Variants in SLC25A2 observed in about 807,000 individuals in gnomAD.
The protein encoded by SLC25A2 is solute carrier family 25 member 2.
A neutral mutation model predicts 7.4 loss-of-function variants in SLC25A2; 6 were observed. That is an observed-to-expected ratio of 0.82 (90% CI 0.45 to 1.61). The LOEUF is 1.61. Ranked by LOEUF, SLC25A2 falls within the 40% of genes most tolerant of loss-of-function variation. SLC25A2 has a pLI of 0.01. For synonymous variants in SLC25A2, 158 were observed against 153.4 expected (o/e 1.03, Z -0.22); for missense variants, 356 against 377.3 (o/e 0.94, Z 0.47).
Position 141,302,937 on chromosome 5 carries a change from G to A in SLC25A2, c.*23C>T, listed in dbSNP as rs781917109. The stretch of plus-strand genomic sequence containing the variant: ...CTGTAGTCCTCAAACTCATGGACTC[G>A]GATCCAGGTTCACCAAGACACTTCA... On this transcript the variant is annotated 3_prime_UTR_variant, in exon 1 of 1. Coordinates refer to ENST00000239451, the MANE Select transcript of SLC25A2 (RefSeq NM_031947.4). 8.1e-6 allele frequency: 13 copies of A among 1,597,602 alleles called. No individual in the cohort carries two copies. The highest frequency in any genetic ancestry group is 1.7e-5 in the Admixed American group (1 of 58,344).
Position 141,303,263 on chromosome 5 carries a change from C to A in SLC25A2, c.603G>T (p.Gly201=). 1 of 1,614,150 alleles carries A rather than the reference C, an allele frequency of 6.2e-7. No homozygotes were observed. Among genetic ancestry groups the A allele is most frequent in the Non-Finnish European group, 8.5e-7 (1 of 1,180,012 alleles). ...YELSRSFFAS[G]RSKDELGPVH... ...CAGGGCCTAGTTCATCTTTTGATCTCCCTGACGCAAAAAACGATCGGCTCA... is the reference window on the plus strand; with the variant it reads ...CAGGGCCTAGTTCATCTTTTGATCTACCTGACGCAAAAAACGATCGGCTCA... The change falls in exon 1 of 1, where the codon GGG becomes GGT. Residue 201 remains glycine (G), a synonymous_variant. Coordinates refer to ENST00000239451, the MANE Select transcript of SLC25A2 (RefSeq NM_031947.4).
chr5:141,303,724 T>C lies in SLC25A2; in HGVS notation c.142A>G (p.Thr48Ala), dbSNP rs1177759196. 21 of 1,613,984 alleles carry C rather than the reference T, an allele frequency of 1.3e-5. No individual in the cohort carries two copies. Among genetic ancestry groups the C allele is most frequent in the Non-Finnish European group, 1.8e-5 (21 of 1,179,966 alleles). Residue 48 changes from threonine to alanine, a missense_variant, in exon 1 of 1, where the codon ACC (threonine) becomes GCC (alanine). Thr to Ala is a moderately conservative substitution (Grantham distance 58). Transcript: ENST00000239451. ...QTFPDLYKGL[T>A]DCFLKTYAQV... ...GCGTATGTCTTCAGGAAGCAGTCGG[T>C]GAGGCCCTTGTACAGGTCAGGGAAC... is the stretch of plus-strand genomic sequence containing the variant.
chr5:141,303,924 C>T lies in SLC25A2; in HGVS notation c.-59G>A. 1 of 1,548,624 alleles carries T rather than the reference C, an allele frequency of 6.5e-7. No individual in the cohort carries two copies. The highest frequency in any genetic ancestry group is 1.4e-5 in the African/African-American group (1 of 73,482). Reference sequence around the variant, plus strand: ...GCGACTAACTCCCCAGAGCGTGAGACCGGCTTTTCACGTCCAGCCGCAGCG... The same window carrying T: ...GCGACTAACTCCCCAGAGCGTGAGATCGGCTTTTCACGTCCAGCCGCAGCG... On this transcript the variant is annotated 5_prime_UTR_variant, in exon 1 of 1. Coordinates refer to ENST00000239451, the MANE Select transcript of SLC25A2 (RefSeq NM_031947.4).
In SLC25A2 at chr5:141,302,814, AGTTAAGATTTAG is replaced by A. The variant is rs1755926421; in HGVS notation, c.*134_*145del. 4.2e-6 allele frequency: 3 copies of A among 713,510 alleles called. No homozygotes were observed. The highest frequency in any genetic ancestry group is 4.5e-6 in the Non-Finnish European group (2 of 447,822). 44.2% of individuals were successfully genotyped at this position (713,510 alleles called of 1,614,324 possible). A position where few individuals can be genotyped will look rare whatever the true frequency, so the allele number is the denominator to read the frequency against. On this transcript the variant is annotated 3_prime_UTR_variant, in exon 1 of 1. Transcript: ENST00000239451. The stretch of plus-strand genomic sequence containing the variant: ...ATGTAAAATAGAGGCCCTTCCATAA[AGTTAAGATTTAG>A]GGTAGAAGAAGGGAAGATAAAACCA...
Position 141,304,008 on chromosome 5 carries a change from A to C in SLC25A2, c.-143T>G, listed in dbSNP as rs1387094090. 1 of 947,366 alleles carries C rather than the reference A, an allele frequency of 1.1e-6. No homozygotes were observed. Among genetic ancestry groups the C allele is most frequent in the Non-Finnish European group, 1.6e-6 (1 of 644,584 alleles). 58.7% of individuals were successfully genotyped at this position (947,366 alleles called of 1,614,324 possible). ...GCTCTACCGCCTGTTCTGGGCTCTCACCCCAGTGCGGGGGAAGCCGCTCAA... is the reference window on the plus strand; with the variant it reads ...GCTCTACCGCCTGTTCTGGGCTCTCCCCCCAGTGCGGGGGAAGCCGCTCAA... On this transcript the variant is annotated 5_prime_UTR_variant, in exon 1 of 1. Coordinates refer to ENST00000239451, the MANE Select transcript of SLC25A2 (RefSeq NM_031947.4).
Position 141,302,946 on chromosome 5 carries a change from T to C in SLC25A2, c.*14A>G, listed in dbSNP as rs1381488810. 4 of 1,604,302 alleles carry C rather than the reference T, an allele frequency of 2.5e-6. No homozygotes were observed. The highest frequency in any genetic ancestry group is 3.4e-6 in the Non-Finnish European group (4 of 1,175,278). On this transcript the variant is annotated 3_prime_UTR_variant, in exon 1 of 1. Coordinates refer to ENST00000239451, the MANE Select transcript of SLC25A2 (RefSeq NM_031947.4). ...TCAAACTCATGGACTCGGATCCAGG[T>C]TCACCAAGACACTTCAGTATGCTTC...
At position 141,303,363 on chromosome 5, in the gene SLC25A2, C is replaced by A; in HGVS notation, c.503G>T (p.Gly168Val). ...KGILKKDGPLGFYHGLSSTLL... is the reference protein window; with the variant it reads ...KGILKKDGPLVFYHGLSSTLL... ...AGTACTCGAGAGTCCATGGTAGAAGCCCAAGGGGCCATCCTTTTTAAGGAT... is the reference window on the plus strand; with the variant it reads ...AGTACTCGAGAGTCCATGGTAGAAGACCAAGGGGCCATCCTTTTTAAGGAT... The change falls in exon 1 of 1, where the codon GGC becomes GTC. Residue 168 changes from glycine (G) to valine (V), a missense_variant. Gly to Val is a moderately radical substitution (Grantham distance 109, BLOSUM62 -3). Coordinates refer to ENST00000239451, the MANE Select transcript of SLC25A2 (RefSeq NM_031947.4). 1 of 1,614,062 alleles carries A rather than the reference C, an allele frequency of 6.2e-7. No individual in the cohort carries two copies.
Position 141,302,855 on chromosome 5 carries a change from T to C in SLC25A2, c.*105A>G. On this transcript the variant is annotated 3_prime_UTR_variant, in exon 1 of 1. Coordinates refer to ENST00000239451, the MANE Select transcript of SLC25A2 (RefSeq NM_031947.4). ...AGAAGAAGGGAAGATAAAACCAAAATTCCCATGAAGTCAAAATTAGACAGT... is the reference window on the plus strand; with the variant it reads ...AGAAGAAGGGAAGATAAAACCAAAACTCCCATGAAGTCAAAATTAGACAGT... 1.0e-5 allele frequency: 13 copies of C among 1,270,546 alleles called. 2 individuals are homozygous for C. Among genetic ancestry groups the C allele is most frequent in the Non-Finnish European group, 1.4e-5 (13 of 934,372 alleles). The allele number at this position is 1,270,546 out of a possible 1,614,324, so 78.7% of individuals were successfully genotyped here. A position where few individuals can be genotyped will look rare whatever the true frequency, so the allele number is the denominator to read the frequency against.
rs781929679 is a variant in SLC25A2, at chr5:141,303,550, C to T, written c.316G>A (p.Asp106Asn). 3.1e-6 allele frequency: 5 copies of T among 1,614,072 alleles called. No individual in the cohort carries two copies. In the African/African-American group the frequency reaches 5.3e-5, roughly 17 times the overall value. The stretch of plus-strand genomic sequence containing the variant: ...GACCCCGCGGCTGCAGTCTGGAGAT[C>T]ACTCAGCTTTGCCTGCTTGTCCATT... ...AGMDKQAKLS[D>N]LQTAAAGSFA... Residue 106 changes from aspartate (D) to asparagine (N), a missense_variant, in exon 1 of 1, where the codon GAT becomes AAT. Coordinates refer to ENST00000239451, the MANE Select transcript of SLC25A2 (RefSeq NM_031947.4).
rs1554296018 is a variant in SLC25A2, at chr5:141,303,051, G to A, written c.815C>T (p.Thr272Ile). Reference sequence around the variant, plus strand: ...ATTGGCAGGGATTGCTCGAATCATAGTAGCTTTCAGTCCAGAATATAAGGC... The same window carrying A: ...ATTGGCAGGGATTGCTCGAATCATAATAGCTTTCAGTCCAGAATATAAGGC... ...IVALYSGLKATMIRAIPANGA... is the reference protein window; with the variant it reads ...IVALYSGLKAIMIRAIPANGA... Residue 272 changes from threonine to isoleucine, a missense_variant, in exon 1 of 1, where the codon ACT (threonine) becomes ATT (isoleucine). Transcript: ENST00000239451. 2 of 1,614,206 alleles carry A rather than the reference G, an allele frequency of 1.2e-6. No homozygotes were observed. The highest frequency in any genetic ancestry group is 8.5e-7 in the Non-Finnish European group (1 of 1,180,028).
rs1755926582 is a variant in SLC25A2, at chr5:141,302,826, G to A, written c.*134C>T. On this transcript the variant is annotated 3_prime_UTR_variant, in exon 1 of 1. Transcript: ENST00000239451. ...GGCCCTTCCATAAAGTTAAGATTTA[G>A]GGTAGAAGAAGGGAAGATAAAACCA... 1.2e-5 allele frequency: 9 copies of A among 766,224 alleles called. No homozygotes were observed. The highest frequency in any genetic ancestry group is 2.5e-4 in the Middle Eastern group (1 of 4,058). The allele number at this position is 766,224 out of a possible 1,614,324, so 47.5% of individuals were successfully genotyped here.
In SLC25A2 at chr5:141,303,625, G is replaced by A. The variant is rs782577405; in HGVS notation, c.241C>T (p.Leu81Phe). The A allele has an allele frequency of 1.2e-6, 2 of 1,614,228 alleles. No individual in the cohort carries two copies. Among genetic ancestry groups the A allele is most frequent in the East Asian group, 2.2e-5 (1 of 44,870 alleles). ...TGGCAGAACCCGTAGCACATGAAGA[G>A]GACCGAGTTTTCGGCGACGTAGGCC... is the stretch of plus-strand genomic sequence containing the variant. ...LMAYVAENSVLFMCYGFCQQF... is the reference protein window; with the variant it reads ...LMAYVAENSVFFMCYGFCQQF... Residue 81 changes from leucine (L) to phenylalanine (F), a missense_variant, in exon 1 of 1, where the codon CTC becomes TTC. Coordinates refer to ENST00000239451, the MANE Select transcript of SLC25A2 (RefSeq NM_031947.4).
Position 141,303,779 on chromosome 5 carries a change from G to A in SLC25A2, c.87C>T (p.Pro29=), listed in dbSNP as rs782713558. The A allele has an allele frequency of 6.2e-7, 1 of 1,614,208 alleles. No homozygotes were observed. The highest frequency in any genetic ancestry group is 1.1e-5 in the South Asian group (1 of 91,080). Residue 29 remains proline (P), a synonymous_variant, in exon 1 of 1, where the codon CCC becomes CCT. Coordinates refer to ENST00000239451, the MANE Select transcript of SLC25A2 (RefSeq NM_031947.4). ...GCATCTTCACTTTTATTGTGTCGAA[G>A]GGCTGCCCAGTCAGTACACACGCTG... The part of the protein sequence containing the change: ...GGTACVLTGQ[P]FDTIKVKMQT...
chr5:141,303,481 GC>G lies in SLC25A2; in HGVS notation c.384del (p.Glu128AspfsTer3), dbSNP rs782137482. The G allele has an allele frequency of 3.1e-6, 5 of 1,614,184 alleles. No individual in the cohort carries two copies. In the South Asian group the frequency reaches 5.5e-5, roughly 18 times the overall value. On this transcript the variant is annotated frameshift_variant, in exon 1 of 1. Coordinates refer to ENST00000239451, the MANE Select transcript of SLC25A2 (RefSeq NM_031947.4). LOFTEE classifies it high-confidence loss of function. ...ATGGTCTGTAGCCGGCACTTCACAA[GC>G]TCAGTGGGGCAGAGAGCCAGTGCAG... is the stretch of plus-strand genomic sequence containing the variant. ...AFAALALCPT[E>X]LVKCRLQTMY...
rs781973078 is a variant in SLC25A2, at chr5:141,303,775, C to T, written c.91G>A (p.Asp31Asn). 1.2e-5 allele frequency: 20 copies of T among 1,614,088 alleles called. No individual in the cohort carries two copies. In the Middle Eastern group the frequency reaches 8.2e-4, roughly 66 times the overall value. The change falls in exon 1 of 1, where the codon GAC becomes AAC. Residue 31 changes from aspartate to asparagine, a missense_variant. By Grantham distance (23) the Asp-to-Asn change is conservative. Coordinates refer to ENST00000239451, the MANE Select transcript of SLC25A2 (RefSeq NM_031947.4). Reference protein sequence around the residue: ...TACVLTGQPFDTIKVKMQTFP... With the variant: ...TACVLTGQPFNTIKVKMQTFP... ...GTCTGCATCTTCACTTTTATTGTGT[C>T]GAAGGGCTGCCCAGTCAGTACACAC...
rs782596290 is a variant in SLC25A2 at position 141,303,066 on chromosome 5, GAATAT to G, written c.795_799del (p.Leu265PhefsTer82). 3.7e-6 allele frequency: 6 copies of G among 1,614,190 alleles called. No individual in the cohort carries two copies. In the Admixed American group the frequency reaches 1.0e-4, roughly 27 times the overall value. On this transcript the variant is annotated frameshift_variant, in exon 1 of 1. Coordinates refer to ENST00000239451, the MANE Select transcript of SLC25A2 (RefSeq NM_031947.4). LOFTEE classifies it high-confidence loss of function. ...TCGAATCATAGTAGCTTTCAGTCCA[GAATAT>G]AAGGCTACTATTCCTTCATTTCTCA...
chr5:141,302,922 C>CA lies in SLC25A2; in HGVS notation c.*37dup. 6.3e-7 allele frequency: 1 copy of CA among 1,582,974 alleles called. No homozygotes were observed. The highest frequency in any genetic ancestry group is 8.6e-7 in the Non-Finnish European group (1 of 1,165,268). On this transcript the variant is annotated 3_prime_UTR_variant, in exon 1 of 1. Transcript: ENST00000239451. ...GAACCCTGTGATGAACTGTAGTCCT[C>CA]AAACTCATGGACTCGGATCCAGGTT...
chr5:141,303,265 C>T lies in SLC25A2; in HGVS notation c.601G>A (p.Gly201Arg), dbSNP rs1554296052. Residue 201 changes from glycine (G) to arginine (R), a missense_variant, in exon 1 of 1, where the codon GGG (glycine) becomes AGG (arginine). By Grantham distance (125) the Gly-to-Arg change is moderately radical (BLOSUM62 -2). Coordinates refer to ENST00000239451, the MANE Select transcript of SLC25A2 (RefSeq NM_031947.4). Reference sequence around the variant, plus strand: ...GGGCCTAGTTCATCTTTTGATCTCCCTGACGCAAAAAACGATCGGCTCAGT... The same window carrying T: ...GGGCCTAGTTCATCTTTTGATCTCCTTGACGCAAAAAACGATCGGCTCAGT... ...YELSRSFFAS[G>R]RSKDELGPVH... 1 of 1,614,082 alleles carries T rather than the reference C, an allele frequency of 6.2e-7. No individual in the cohort carries two copies. The highest frequency in any genetic ancestry group is 8.5e-7 in the Non-Finnish European group (1 of 1,180,000).
chr5:141,303,939 C>T lies in SLC25A2; in HGVS notation c.-74G>A. 1 of 1,506,714 alleles carries T rather than the reference C, an allele frequency of 6.6e-7. No homozygotes were observed. The highest frequency in any genetic ancestry group is 8.9e-7 in the Non-Finnish European group (1 of 1,120,288). 93.3% of individuals were successfully genotyped at this position (1,506,714 alleles called of 1,614,324 possible). ...GAGCGTGAGACCGGCTTTTCACGTC[C>T]AGCCGCAGCGAGCGCGGGGAATGGA... On this transcript the variant is annotated 5_prime_UTR_variant, in exon 1 of 1. Transcript: ENST00000239451.
Sources: gnomAD v4.1 joint callset for allele counts on GRCh38, gnomAD v4.1.1 for gene constraint, MANE v1.5 for transcripts, NCBI Gene and HGNC (gene_info 2026-07-23, HGNC 2026-07-21) for gene names.